The following GDF6 variants were observed in gnomAD, a reference collection of about 807,000 sequenced individuals.
The protein encoded by GDF6 is growth differentiation factor 6, also known as growth/differentiation factor 6.
In GDF6, 3 loss-of-function variants were observed where a neutral mutation model predicts 32.4. That is an observed-to-expected ratio of 0.09 (90% CI 0.04 to 0.24). The LOEUF is 0.24. Among genes scored for constraint, GDF6 ranks in the 10% least tolerant of loss-of-function variants. GDF6 has a pLI of 1.00. For synonymous variants in GDF6, 296 were observed against 295.3 expected (o/e 1.00, Z -0.03); for missense variants, 589 against 637.9 (o/e 0.92, Z 0.83).
Position 96,145,123 on chromosome 8 carries a change from G to T in GDF6, c.808C>A (p.Arg270=). The T allele has an allele frequency of 6.6e-7, 1 of 1,515,428 alleles. No homozygotes were observed. 93.9% of individuals were successfully genotyped at this position (1,515,428 alleles called of 1,614,324 possible). ...LRSLGFGRRV[R]PPQERALLVV... The stretch of plus-strand genomic sequence containing the variant: ...AGCAGGGCCCGCTCCTGGGGAGGCC[G>T]CACCCTCCGGCCGAAGCCCAGACTC... Residue 270 remains arginine, a synonymous_variant, in exon 2 of 2, where the codon CGG becomes AGG. Transcript: ENST00000287020. This position sits in a 1 kb window ranked among gnomAD's most constrained non-coding sequence, Gnocchi z 5.6.
Position 96,156,519 on chromosome 8 carries a change from G to A in GDF6, c.406+3768C>T, listed in dbSNP as rs374784935. 3.4e-4 allele frequency among the ~76,000 whole-genome samples: 51 copies of A among 152,134 alleles called. 1 individual carries two copies. Among genetic ancestry groups the A allele is most frequent in the Non-Finnish European group, 2.6e-4 (18 of 67,998 alleles). The stretch of plus-strand genomic sequence containing the variant: ...GCTTTCCCAGGCCCCAGGGCTGGGG[G>A]TCCAGGGCCCCAGTACTAGTAGCCT... On this transcript the variant is annotated intron_variant, in intron 1 of 1. Transcript: ENST00000287020.
At position 96,144,242 on chromosome 8, in the gene GDF6, A is replaced by AAGAGAGAGAGAGAG. The variant is rs886063199; in HGVS notation, c.*320_*321insCTCTCTCTCTCTCT. The AAGAGAGAGAGAGAG allele has an allele frequency of 1.7e-4, 32 of 190,104 alleles. 1 individual carries two copies. Among genetic ancestry groups the AAGAGAGAGAGAGAG allele is most frequent in the African/African-American group, 9.2e-4 (16 of 17,486 alleles). 11.8% of individuals were successfully genotyped at this position (190,104 alleles called of 1,614,324 possible). On this transcript the variant is annotated 3_prime_UTR_variant, in exon 2 of 2. Transcript: ENST00000287020. This position sits in a 1 kb window ranked among gnomAD's most constrained non-coding sequence, Gnocchi z 5.1. ...ACATAAGGAAATCCAAAGCCACAGTAATAGAGAGAGAGAGAGAGAGAGAGA... is the reference window on the plus strand; with the variant it reads ...ACATAAGGAAATCCAAAGCCACAGTAAGAGAGAGAGAGAGATAGAGAGAGAGAGAGAGAGAGAGA...
intron 1 of GDF6, among the ~76,000 whole-genome samples, chr8:96,158,150 C>T (rs1249414591): frequency 2.0e-5 from 3 of 152,172 alleles, no homozygotes; most frequent in Non-Finnish European, 4.4e-5. Flanking sequence ...GTGGACCGCT[C>T]GCATCCCCAG....
In GDF6 at chr8:96,144,561, C is replaced by G. The variant is rs200117791; in HGVS notation, c.*2G>C. 9.9e-6 allele frequency: 16 copies of G among 1,613,438 alleles called. No homozygotes were observed. The East Asian group carries it at 1.8e-4, about 18-fold the overall frequency. ...CGGGCCAAGGCGGCGGGAAAGGCACCGCTACCTGCAGCCGCACGACTCCAC... is the reference window on the plus strand; with the variant it reads ...CGGGCCAAGGCGGCGGGAAAGGCACGGCTACCTGCAGCCGCACGACTCCAC... On this transcript the variant is annotated 3_prime_UTR_variant, in exon 2 of 2. Coordinates refer to ENST00000287020, the MANE Select transcript of GDF6 (RefSeq NM_001001557.4). This position sits in a 1 kb window ranked among gnomAD's most constrained non-coding sequence, Gnocchi z 5.1.
intron 1 of GDF6, 110 bp downstream of exon 1, chr8:96,160,177 G>A: frequency 9.2e-7 from 1 of 1,081,292 alleles, no homozygotes; most frequent in African/African-American, 1.6e-5. Context: ...AAGTAAAAAG[G>A]AAGTGTCCAG....
chr8:96,160,265 G>T, intron 1 of GDF6, 22 bp downstream of exon 1: 2 of 1,613,852 alleles, frequency 1.2e-6, no homozygotes, highest in South Asian at 2.2e-5. Context: ...GAGGGGAGTC[G>T]AGCGTTTTCT....
chr8:96,157,312 C>T (rs1236743049), intron 1 of GDF6, among the ~76,000 whole-genome samples: 5 of 152,108 alleles, frequency 3.3e-5, no homozygotes, highest in Non-Finnish European at 7.4e-5. Flanking sequence ...AAACCTAAAG[C>T]GTCCTTCATT....
intron 1 of GDF6, among the ~76,000 whole-genome samples, chr8:96,158,196 T>A (rs1421283839): frequency 4.6e-5 from 7 of 152,148 alleles, no homozygotes; most frequent in South Asian, 2.1e-4. Flanking sequence ...GCGGTACTTG[T>A]GGATCTCGGT....
In GDF6 at chr8:96,160,594, C is replaced by T. The variant is rs778654954; in HGVS notation, c.99G>A (p.Ser33=). The change falls in exon 1 of 2, where the codon TCG becomes TCA. Residue 33 remains serine (S), a synonymous_variant. Coordinates refer to ENST00000287020, the MANE Select transcript of GDF6 (RefSeq NM_001001557.4). The part of the protein sequence containing the change: ...FQQASISSSS[S]SAELGSTKGM... ...CCTTGGTGGAACCCAGCTCGGCGGA[C>T]GACGAGGAGGATGAGATGGAAGCCT... 2 of 1,613,288 alleles carry T rather than the reference C, an allele frequency of 1.2e-6. No individual in the cohort carries two copies. Among genetic ancestry groups the T allele is most frequent in the East Asian group, 2.2e-5 (1 of 44,836 alleles).
rs775308809 is a variant in GDF6 at position 96,144,487 on chromosome 8, T to G, written c.*76A>C. The stretch of plus-strand genomic sequence containing the variant: ...CAGCGCCAGCTTCCTCCTCCGCCTC[T>G]CTGCAGCCAGGCCTCCCCTGCAAGG... On this transcript the variant is annotated 3_prime_UTR_variant, in exon 2 of 2. Coordinates refer to ENST00000287020, the MANE Select transcript of GDF6 (RefSeq NM_001001557.4). The surrounding 1 kb of genome is among the most constrained non-coding windows in gnomAD (Gnocchi z 5.1). 2 of 1,554,114 alleles carry G rather than the reference T, an allele frequency of 1.3e-6. No homozygotes were observed. Among genetic ancestry groups the G allele is most frequent in the Non-Finnish European group, 1.7e-6 (2 of 1,147,608 alleles).
At position 96,144,442 on chromosome 8, in the gene GDF6, C is replaced by G; in HGVS notation, c.*121G>C. 1.6e-6 allele frequency: 2 copies of G among 1,220,064 alleles called. No individual in the cohort carries two copies. 75.6% of individuals were successfully genotyped at this position (1,220,064 alleles called of 1,614,324 possible). A position where few individuals can be genotyped will look rare whatever the true frequency, so the allele number is the denominator to read the frequency against. Reference sequence around the variant, plus strand: ...CACCGGCTCTCACATCCAGGCTGTTCCCTCACCCTCAGCCTCCCCCAGCGC... The same window carrying G: ...CACCGGCTCTCACATCCAGGCTGTTGCCTCACCCTCAGCCTCCCCCAGCGC... On this transcript the variant is annotated 3_prime_UTR_variant, in exon 2 of 2. Transcript: ENST00000287020. The surrounding 1 kb of genome is among the most constrained non-coding windows in gnomAD (Gnocchi z 5.1).
rs121909354 is a variant in GDF6 at position 96,160,568 on chromosome 8, C to G, written c.125G>C (p.Gly42Ala). ...CTTGCCTTCCTTGCGGCTTCGCATG[C>G]CCTTGGTGGAACCCAGCTCGGCGGA... is the stretch of plus-strand genomic sequence containing the variant. Reference protein sequence around the residue: ...SSSAELGSTKGMRSRKEGKMQ... With the variant: ...SSSAELGSTKAMRSRKEGKMQ... Residue 42 changes from glycine (G) to alanine (A), a missense_variant, in exon 1 of 2, where the codon GGC (glycine) becomes GCC (alanine). Gly to Ala is a moderately conservative substitution (Grantham distance 60). Around this residue, in one of 2 missense-constraint regions of GDF6, gnomAD observed 436 missense variants for 411.2 expected, o/e 1.06. Transcript: ENST00000287020. 5.0e-5 allele frequency: 80 copies of G among 1,613,674 alleles called. No individual in the cohort carries two copies. The highest frequency in any genetic ancestry group is 6.5e-5 in the Non-Finnish European group (77 of 1,179,720).
intron 1 of GDF6, among the ~76,000 whole-genome samples, chr8:96,154,521 G>A (rs930703585): frequency 6.7e-6 from 1 of 149,902 alleles, no homozygotes; most frequent in Non-Finnish European, 1.5e-5. Context: ...CTTGGGGTGG[G>A]GGATGGAGGG....
chr8:96,159,823 T>G (rs1228282239), intron 1 of GDF6, among the ~76,000 whole-genome samples: 1 of 152,346 alleles, frequency 6.6e-6, no homozygotes, highest in South Asian at 2.1e-4. Flanking sequence ...TGGGACTCCC[T>G]AGTGCCGGCT....
intron 1 of GDF6, among the ~76,000 whole-genome samples, chr8:96,158,373 G>T (rs1182229777): frequency 2.0e-5 from 3 of 152,218 alleles, no homozygotes; most frequent in Non-Finnish European, 2.9e-5. Context: ...GTCTACGCCG[G>T]ATTGGGGCCC....
rs779900532 is a variant in GDF6, at chr8:96,145,530, A to G, written c.407-6T>C. On this transcript the variant is annotated splice_region_variant and splice_polypyrimidine_tract_variant and intron_variant, in intron 1 of 1. Coordinates refer to ENST00000287020, the MANE Select transcript of GDF6 (RefSeq NM_001001557.4). The surrounding 1 kb of genome is among the most constrained non-coding windows in gnomAD (Gnocchi z 5.6). The stretch of plus-strand genomic sequence containing the variant: ...AGGAGTGTGCGAGAGATCGTCTGCG[A>G]GATAAAAAATAATTACAGTCAGTTT... The G allele has an allele frequency of 1.9e-6, 3 of 1,597,792 alleles. No homozygotes were observed. Among genetic ancestry groups the G allele is most frequent in the Non-Finnish European group, 2.5e-6 (3 of 1,179,608 alleles).
Position 96,144,280 on chromosome 8 carries a change from GAGAGAGAGAGA to G in GDF6, c.*272_*282del, listed in dbSNP as rs1415433983. On this transcript the variant is annotated 3_prime_UTR_variant, in exon 2 of 2. Transcript: ENST00000287020. This position sits in a 1 kb window ranked among gnomAD's most constrained non-coding sequence, Gnocchi z 5.1. Reference sequence around the variant, plus strand: ...AGAGAGAGAGAGAGAGAGAGAGAGAGAGAGAGAGAGAAAACAGAACAAAAGAAATCCTCCTT... The same window carrying G: ...AGAGAGAGAGAGAGAGAGAGAGAGAGAAACAGAACAAAAGAAATCCTCCTT... The G allele has an allele frequency of 5.6e-5, 27 of 482,348 alleles. No individual in the cohort carries two copies. The highest frequency in any genetic ancestry group is 6.0e-4 in the Middle Eastern group (1 of 1,668). 29.9% of individuals were successfully genotyped at this position (482,348 alleles called of 1,614,324 possible). A position where few individuals can be genotyped will look rare whatever the true frequency, so the allele number is the denominator to read the frequency against.
At chr8:96,147,726 C>A (rs1812507631) in intron 1 of GDF6, among the ~76,000 whole-genome samples, 1 of 152,224 alleles carries the variant, frequency 6.6e-6, no homozygotes, top group Non-Finnish European at 1.5e-5. Flanking sequence ...AGCCCCTAAA[C>A]CCCACTGCCT....
At chr8:96,146,441 C>CCAACACAGTGCAGGCAGAATGAAGA (rs1812486560) in intron 1 of GDF6, among the ~76,000 whole-genome samples, 1 of 151,684 alleles carries the variant, frequency 6.6e-6, no homozygotes, top group Admixed American at 6.6e-5. Context: ...TTTGGTGGGT[C>CCAACACAGTGCAGGCAGAATGAAGA]CAACACAGTG....
Sources: gnomAD v4.1 joint callset for allele counts (sites outside exome capture counted in the v4.1 genomes callset) on GRCh38, gnomAD v4.1.1 for gene constraint, gnomAD v4.1.1 regional missense constraint, Gnocchi (gnomAD v3.1) non-coding constraint, MANE v1.5 for transcripts, NCBI Gene and HGNC (gene_info 2026-07-23, HGNC 2026-07-21) for gene names.